The following RIF1 variants were observed in gnomAD, a reference collection of about 807,000 sequenced individuals.
RIF1 encodes replication timing regulatory factor 1, also known as telomere-associated protein RIF1.
Under a neutral mutation model 247.1 loss-of-function variants are expected in RIF1, and 45 were observed. The ratio of observed to expected loss-of-function variants is 0.18; its 90% CI spans 0.14 to 0.23. The LOEUF (loss-of-function observed/expected upper bound fraction) is 0.23, where lower values mean the gene tolerates loss of function less well. Among genes scored for constraint, RIF1 ranks in the 10% least tolerant of loss-of-function variants. The pLI, the probability that RIF1 is intolerant of heterozygous loss-of-function variation, is 1.00. For synonymous variants in RIF1, 1,087 were observed against 978.8 expected (o/e 1.11, Z -2.06); for missense variants, 2,967 against 2,862.5 (o/e 1.04, Z -0.83).
chr2:151,508,379 G>A (rs1475614174), downstream of RIF1, among the ~76,000 whole-genome samples: 4 of 152,236 alleles, frequency 2.6e-5, no homozygotes, highest in African/African-American at 4.8e-5. Flanking sequence ...AACCTTGCTA[G>A]CTGGTCCACA....
At chr2:151,500,602 T>TTC (rs1575184423) in intron 11 of RIF1, among the ~76,000 whole-genome samples, 2 of 148,538 alleles carry the variant, frequency 1.3e-5, no homozygotes, top group East Asian at 3.9e-4. Flanking sequence ...CCTTTTTTTT[T>TTC]TTTTTTTTTT....
At chr2:151,496,922 T>G in intron 10 of RIF1, 2 of 1,542,592 alleles carry the variant, frequency 1.3e-6, no homozygotes, top group Non-Finnish European at 1.8e-6. Flanking sequence ...GTAGTTTTTT[T>G]CTTTTCTTGC....
downstream of RIF1, chr2:151,508,210 G>A: frequency 2.9e-6 from 2 of 693,120 alleles, no homozygotes; most frequent in Admixed American, 5.7e-5. Flanking sequence ...CTCAGCAGAG[G>A]GAAAGTCCTT....
At chr2:151,494,950 C>G (rs547341741) in intron 9 of RIF1, 1 of 153,040 alleles carries the variant, frequency 6.5e-6, no homozygotes, top group Admixed American at 6.5e-5. Context: ...ACCTGGCCCA[C>G]AGCAGCTGTT....
In RIF1 at chr2:151,410,497, G is replaced by A. The variant is rs905540751; in HGVS notation, c.74G>A (p.Gly25Glu). ...GAAGACCCTTCTGCCTCCCATGGAGGGCAGACTGACGCTTACCTGACTCTG... is the reference window on the plus strand; with the variant it reads ...GAAGACCCTTCTGCCTCCCATGGAGAGCAGACTGACGCTTACCTGACTCTG... ...TLEDPSASHG[G>E]QTDAYLTLTS... Residue 25 changes from glycine to glutamate, a missense_variant, in exon 2 of 36, where the codon GGG becomes GAG. By Grantham distance (98) the Gly-to-Glu change is moderately conservative. Transcript: ENST00000444746. 22 of 1,613,954 alleles carry A rather than the reference G, an allele frequency of 1.4e-5. No homozygotes were observed. Among genetic ancestry groups the A allele is most frequent in the South Asian group, 2.2e-5 (2 of 91,026 alleles).
At chr2:151,443,011 C>T (rs912394957) in intron 16 of RIF1, among the ~76,000 whole-genome samples, 7 of 151,836 alleles carry the variant, frequency 4.6e-5, no homozygotes, top group Admixed American at 2.0e-4. Flanking sequence ...CTCCTGACCT[C>T]GTGATCCACC....
intron 26 of RIF1, 67 bp from the exon 27 acceptor site, chr2:151,461,071 T>G (rs940294485): frequency 3.1e-5 from 43 of 1,403,110 alleles, no homozygotes; most frequent in Non-Finnish European, 4.2e-5. Flanking sequence ...TAGAGGAGAG[T>G]GATAGAAATA....
In RIF1 at chr2:151,457,785, A is replaced by G; in HGVS notation, c.2677A>G (p.Ile893Val). 3.7e-6 allele frequency: 6 copies of G among 1,613,844 alleles called. No homozygotes were observed. The highest frequency in any genetic ancestry group is 5.1e-6 in the Non-Finnish European group (6 of 1,179,874). ...GTTAGAAAAGCTACTGGGAGAAATT[A>G]TTGCTTGTCTGCAATTCAGCTACAC... ...NKLEKLLGEI[I>V]ACLQFSYTGT... The change falls in exon 24 of 36, where the codon ATT becomes GTT. Residue 893 changes from isoleucine (I) to valine (V), a missense_variant. Ile to Val is a conservative substitution (Grantham distance 29, BLOSUM62 3). Coordinates refer to ENST00000444746, the MANE Select transcript of RIF1 (RefSeq NM_018151.5).
intron 9 of RIF1, chr2:151,492,481 TCAGAA>T (rs773713549): frequency 1.2e-6 from 2 of 1,612,638 alleles, no homozygotes; most frequent in Non-Finnish European, 1.7e-6. Context: ...CCGGAAACTA[TCAGAA>T]TAAAGAACCT....
In RIF1 at chr2:151,477,399, A is replaced by G. The variant is rs893146104; in HGVS notation, c.*2328A>G. ...TTTAAGAAGAAAAAACTAGTGGCATACAGGATTGTCATGTAGTATCTTTTT... is the reference window on the plus strand; with the variant it reads ...TTTAAGAAGAAAAAACTAGTGGCATGCAGGATTGTCATGTAGTATCTTTTT... On this transcript the variant is annotated 3_prime_UTR_variant, in exon 36 of 36. Transcript: ENST00000444746. 3.3e-5 allele frequency: 5 copies of G among 152,088 alleles called. No individual in the cohort carries two copies. The East Asian group carries it at 9.6e-4, about 29-fold the overall frequency. 9.4% of individuals were successfully genotyped at this position (152,088 alleles called of 1,614,324 possible).
chr2:151,461,402 T>C, intron 27 of RIF1, 113 bp downstream of exon 27: 1 of 1,097,482 alleles, frequency 9.1e-7, no homozygotes, highest in Non-Finnish European at 1.3e-6. Flanking sequence ...TTTTTTTTTT[T>C]TTTTTTTGAC....
chr2:151,411,230 C>G lies in RIF1; in HGVS notation c.105-30C>G, dbSNP rs767601004. On this transcript the variant is annotated intron_variant, in intron 2 of 35. Coordinates refer to ENST00000444746, the MANE Select transcript of RIF1 (RefSeq NM_018151.5). ...GTATTTTTTTTTTTCCTGTCAACTACTTAAACTTGTGTTCTTCCTGCTTTT... is the reference window on the plus strand; with the variant it reads ...GTATTTTTTTTTTTCCTGTCAACTAGTTAAACTTGTGTTCTTCCTGCTTTT... 4 of 1,376,940 alleles carry G rather than the reference C, an allele frequency of 2.9e-6. No homozygotes were observed. The South Asian group carries it at 3.7e-5, about 13-fold the overall frequency. 85.3% of individuals were successfully genotyped at this position (1,376,940 alleles called of 1,614,324 possible). A position where few individuals can be genotyped will look rare whatever the true frequency, so the allele number is the denominator to read the frequency against.
chr2:151,416,627 G>T lies in RIF1; in HGVS notation c.347G>T (p.Arg116Leu), dbSNP rs779312462. Residue 116 changes from arginine to leucine, a missense_variant, in exon 5 of 36, where the codon CGT (arginine) becomes CTT (leucine). Transcript: ENST00000444746. ...ATTAAGAATTCAGACAAAAATGTAC[G>T]TACTAGAGCACTTTGGGTGATATCT... ...DTIKNSDKNV[R>L]TRALWVISKQ... 1.2e-6 allele frequency: 2 copies of T among 1,611,602 alleles called. No homozygotes were observed. Among genetic ancestry groups the T allele is most frequent in the Admixed American group, 3.4e-5 (2 of 59,292 alleles).
chr2:151,457,190 C>T (rs151076382), intron 23 of RIF1, among the ~76,000 whole-genome samples: 7 of 152,066 alleles, frequency 4.6e-5, no homozygotes, highest in Non-Finnish European at 5.9e-5. Context: ...GGCACGATCA[C>T]GGCTTACCAC....
At position 151,457,929 on chromosome 2, in the gene RIF1, A is replaced by G; in HGVS notation, c.2821A>G (p.Lys941Glu). Reference sequence around the variant, plus strand: ...TCAGTTCTGGAATGCCACTTTTGCCAAAGTGATGATGTTGGTTTATCCTGA... The same window carrying G: ...TCAGTTCTGGAATGCCACTTTTGCCGAAGTGATGATGTTGGTTTATCCTGA... The part of the protein sequence containing the change: ...SAQFWNATFA[K>E]VMMLVYPEEL... The change falls in exon 24 of 36, where the codon AAA becomes GAA. Residue 941 changes from lysine (K) to glutamate (E), a missense_variant. Physicochemically the swap from Lys to Glu is moderately conservative, Grantham distance 56. Transcript: ENST00000444746. The G allele has an allele frequency of 3.7e-6, 6 of 1,613,864 alleles. No homozygotes were observed. Among genetic ancestry groups the G allele is most frequent in the Non-Finnish European group, 5.1e-6 (6 of 1,179,868 alleles).
At chr2:151,527,565 G>A in the RIF1 span, 8 of 1,612,286 alleles carry the variant, frequency 5.0e-6, no homozygotes, top group East Asian at 4.5e-5. Context: ...TGTTGGCTTC[G>A]TACTGTTTCT....
chr2:151,514,743 G>T, the RIF1 span: 1 of 1,066,534 alleles, frequency 9.4e-7, no homozygotes, highest in Non-Finnish European at 1.4e-6. Context: ...TAAATGGTAG[G>T]AGGAACACAT....
intron 15 of RIF1, 44 bp downstream of exon 15, chr2:151,440,171 G>A: frequency 9.4e-7 from 1 of 1,065,340 alleles, no homozygotes; most frequent in Non-Finnish European, 1.4e-6. Flanking sequence ...ACCATTTTCT[G>A]AAGTTAAATT....
intron 19 of RIF1, 35 bp from the exon 20 acceptor site, chr2:151,446,391 A>G: frequency 2.5e-6 from 4 of 1,593,204 alleles, no homozygotes; most frequent in Non-Finnish European, 3.4e-6. Flanking sequence ...ATAGGTATAT[A>G]TTAACAAAAC....
Sources: gnomAD v4.1 joint callset for allele counts (sites outside exome capture counted in the v4.1 genomes callset) on GRCh38, gnomAD v4.1.1 for gene constraint, MANE v1.5 for transcripts, NCBI Gene and HGNC (gene_info 2026-07-23, HGNC 2026-07-21) for gene names.